The following CA10 variants were observed in gnomAD, a reference collection of about 807,000 sequenced individuals.
CA10 encodes the protein carbonic anhydrase-related protein 10.
In CA10, 14 loss-of-function variants were observed where a neutral mutation model predicts 44.2. The observed-to-expected ratio is 0.32, with a 90% CI of 0.21 to 0.50. CA10 has a LOEUF of 0.50. CA10 is among the 20% of genes least tolerant of loss of function. CA10 has a pLI of 0.99. For missense variants in CA10, 350 were observed against 409.7 expected (o/e 0.85, Z 1.26); for synonymous variants, 159 against 141.6 (o/e 1.12, Z -0.87).
At chr17:51,727,616 T>C (rs1393763144) in intron 4 of CA10, among the ~76,000 whole-genome samples, 1 of 152,156 alleles carries the variant, frequency 6.6e-6, no homozygotes, top group Non-Finnish European at 1.5e-5. Context: ...AATAGGATAA[T>C]AATGATATTT....
intron 3 of CA10, among the ~76,000 whole-genome samples, chr17:51,817,184 T>C (rs1468547739): frequency 6.6e-6 from 1 of 152,158 alleles, no homozygotes; most frequent in Admixed American, 6.5e-5. Context: ...GAAGGGTTTT[T>C]TATGGATCAT....
intron 3 of CA10, among the ~76,000 whole-genome samples, chr17:51,907,978 C>A (rs1478626950): frequency 6.6e-6 from 1 of 152,120 alleles, no homozygotes; most frequent in Admixed American, 6.6e-5. Flanking sequence ...GTTATCTTCC[C>A]AGAGCCTAAA....
intron 2 of CA10, among the ~76,000 whole-genome samples, chr17:52,042,176 T>C (rs1986788066): frequency 6.6e-6 from 1 of 152,080 alleles, no homozygotes; most frequent in Non-Finnish European, 1.5e-5. Flanking sequence ...ATCCATACTG[T>C]TTCCATACTG....
At chr17:52,053,389 A>T (rs550487551) in intron 2 of CA10, among the ~76,000 whole-genome samples, 1 of 152,248 alleles carries the variant, frequency 6.6e-6, no homozygotes, top group South Asian at 2.1e-4. Flanking sequence ...AACCAAGATT[A>T]ACAAAGAAAG....
intron 4 of CA10, among the ~76,000 whole-genome samples, chr17:51,664,290 A>G (rs1171766529): frequency 6.6e-6 from 1 of 152,154 alleles, no homozygotes; most frequent in Non-Finnish European, 1.5e-5. Flanking sequence ...ATCTTTTACG[A>G]TCATATATGC....
intron 1 of CA10, among the ~76,000 whole-genome samples, chr17:52,081,538 C>T (rs1008133003): frequency 2.0e-5 from 3 of 152,150 alleles, no homozygotes; most frequent in Admixed American, 6.5e-5. Context: ...CGGTGGCTCA[C>T]GCCTGTAGTC....
intron 3 of CA10, among the ~76,000 whole-genome samples, chr17:51,772,000 G>A (rs1368731622): frequency 6.6e-6 from 1 of 152,132 alleles, no homozygotes; most frequent in Non-Finnish European, 1.5e-5. Context: ...CAGAATCAGG[G>A]TTCAATTACC....
At chr17:52,110,247 C>T (rs1988761165) in intron 1 of CA10, among the ~76,000 whole-genome samples, 1 of 152,164 alleles carries the variant, frequency 6.6e-6, no homozygotes, top group African/African-American at 2.4e-5. Context: ...CTTTCTCTGC[C>T]TGTTAAACTG....
intron 2 of CA10, among the ~76,000 whole-genome samples, chr17:52,011,964 T>C (rs892697950): frequency 3.3e-5 from 5 of 152,010 alleles, no homozygotes; most frequent in Non-Finnish European, 7.4e-5. Flanking sequence ...GAATAGTCTG[T>C]GAAGCCAAAC....
chr17:51,799,974 C>T (rs1906862188), intron 3 of CA10, among the ~76,000 whole-genome samples: 1 of 152,156 alleles, frequency 6.6e-6, no homozygotes, highest in Non-Finnish European at 1.5e-5. Context: ...AAAAGTTAAG[C>T]ATAGAGTTAC....
chr17:51,706,584 G>A (rs186003991), intron 4 of CA10, among the ~76,000 whole-genome samples: 1 of 152,216 alleles, frequency 6.6e-6, no homozygotes, highest in East Asian at 1.9e-4. Context: ...GTCTTCTCTT[G>A]GCTAACAGCC....
chr17:51,692,129 A>G (rs1915217056), intron 4 of CA10, among the ~76,000 whole-genome samples: 1 of 147,848 alleles, frequency 6.8e-6, no homozygotes, highest in South Asian at 2.1e-4. Flanking sequence ...GCTCATGAGC[A>G]TGGGATATCT....
chr17:52,010,536 C>T (rs924786094), intron 2 of CA10, among the ~76,000 whole-genome samples: 3 of 151,840 alleles, frequency 2.0e-5, no homozygotes, highest in African/African-American at 7.3e-5. Context: ...GAAAACCAAA[C>T]ATAGTATGTT....
At chr17:51,725,644 T>TG (rs200284261) in intron 4 of CA10, among the ~76,000 whole-genome samples, 16 of 152,134 alleles carry the variant, frequency 1.1e-4, no homozygotes, top group East Asian at 3.9e-4. Flanking sequence ...TCCAGCATCC[T>TG]GGGGGGGTGT....
At chr17:52,127,833 ATCTT>A (rs1483181550) in intron 1 of CA10, among the ~76,000 whole-genome samples, 1 of 152,236 alleles carries the variant, frequency 6.6e-6, no homozygotes, top group African/African-American at 2.4e-5. Flanking sequence ...AAAAGGCTAG[ATCTT>A]TGATAACAGA....
intron 3 of CA10, among the ~76,000 whole-genome samples, chr17:51,878,143 C>CAAAAAAAAAAAAA (rs558014863): frequency 1.1e-4 from 7 of 63,686 alleles, no homozygotes; most frequent in African/African-American, 2.6e-4. Flanking sequence ...GACTCCGTCT[C>CAAAAAAAAAAAAA]AAAAAAAAAA....
At chr17:52,106,933 T>C (rs1001378517) in intron 1 of CA10, among the ~76,000 whole-genome samples, 1 of 152,210 alleles carries the variant, frequency 6.6e-6, no homozygotes, top group Non-Finnish European at 1.5e-5. Context: ...AAGTCAAACA[T>C]ACTTTTTCAA....
chr17:52,009,354 GAATA>G (rs1985708891), intron 2 of CA10, among the ~76,000 whole-genome samples: 1 of 151,786 alleles, frequency 6.6e-6, no homozygotes, highest in South Asian at 2.1e-4. Flanking sequence ...AATATTTGAT[GAATA>G]AATACTTTAT....
chr17:52,085,940 G>A lies in CA10; in HGVS notation c.62-13547C>T, dbSNP rs765208114. Among the ~76,000 whole-genome samples, 9 of 152,148 alleles carry A rather than the reference G, an allele frequency of 5.9e-5. No individual in the cohort carries two copies. In the South Asian group the frequency reaches 8.3e-4, roughly 14 times the overall value. The stretch of plus-strand genomic sequence containing the variant: ...AAACACTACCTTCTAAAAACCTTCC[G>A]TGGTTTCTCCAGATAAAAGAAAGCT... On this transcript the variant is annotated intron_variant, in intron 1 of 8. Transcript: ENST00000451037.
Sources: allele counts gnomAD v4.1 joint callset (sites outside exome capture counted in the v4.1 genomes callset), GRCh38; gene constraint gnomAD v4.1.1; transcripts MANE v1.5; gene names NCBI Gene and HGNC (gene_info 2026-07-23, HGNC 2026-07-21).